STRAP: variants seen among roughly 807,000 people sequenced by gnomAD.
STRAP encodes serine-threonine kinase receptor-associated protein.
In STRAP, 16 loss-of-function variants were observed where a neutral mutation model predicts 47.0. That is an observed-to-expected ratio of 0.34 (90% CI 0.23 to 0.52). The LOEUF is 0.52. Ranked by LOEUF, STRAP falls within the 20% of genes least tolerant of loss-of-function variation. The pLI is 0.96. For missense variants in STRAP, 293 were observed against 420.0 expected (o/e 0.70, Z 2.64); for synonymous variants, 130 against 142.7 (o/e 0.91, Z 0.63).
At position 15,894,722 on chromosome 12, in the gene STRAP, A is replaced by G. The variant is rs1474473790; in HGVS notation, c.500+579A>G. On this transcript the variant is annotated intron_variant, in intron 5 of 9. Coordinates refer to ENST00000419869, the MANE Select transcript of STRAP (RefSeq NM_007178.4). The surrounding 1 kb of genome is among the most constrained non-coding windows in gnomAD (Gnocchi z 4.9). The stretch of plus-strand genomic sequence containing the variant: ...CTCATTGGAGCATTTTGAATTTCCT[A>G]TTTTCAGGTTAGGAATTCTCAGTTG... Among the ~76,000 whole-genome samples, 3 of 152,130 alleles carry G rather than the reference A, an allele frequency of 2.0e-5. No homozygotes were observed. The highest frequency in any genetic ancestry group is 1.9e-4 in the East Asian group (1 of 5,184).
chr12:15,895,216 C>T, intron 5 of STRAP, 143 bp from the exon 6 acceptor site: 1 of 642,102 alleles, frequency 1.6e-6, no homozygotes, highest in South Asian at 3.2e-5. Flanking sequence ...TTTTTTTAAT[C>T]ATCTGTAATT....
rs538132255 is a variant in STRAP at position 15,895,778 on chromosome 12, G to C, written c.638+282G>C. On this transcript the variant is annotated intron_variant, in intron 6 of 9. Transcript: ENST00000419869. Reference sequence around the variant, plus strand: ...GGGAGGCTGAGGTGAGTATTCTATTGCTGGAGCCTGGGAGGTTGAGGCTGC... The same window carrying C: ...GGGAGGCTGAGGTGAGTATTCTATTCCTGGAGCCTGGGAGGTTGAGGCTGC... Among the ~76,000 whole-genome samples, 4 of 145,852 alleles carry C rather than the reference G, an allele frequency of 2.7e-5. No individual in the cohort carries two copies. The South Asian group carries it at 8.7e-4, about 32-fold the overall frequency.
At position 15,882,400 on chromosome 12, in the gene STRAP, T is replaced by G. The variant is rs1337855055; in HGVS notation, c.-308T>G. 1 of 441,298 alleles carries G rather than the reference T, an allele frequency of 2.3e-6. No individual in the cohort carries two copies. The highest frequency in any genetic ancestry group is 2.0e-5 in the African/African-American group (1 of 50,122). The allele number at this position is 441,298 out of a possible 1,614,324, so 27.3% of individuals were successfully genotyped here. A position where few individuals can be genotyped will look rare whatever the true frequency, so the allele number is the denominator to read the frequency against. On this transcript the variant is annotated 5_prime_UTR_variant, in exon 1 of 10. Transcript: ENST00000419869. ...CTGCGTCATTTACGTCGTCACTTCC[T>G]GCCGATGCCGGTGTGGACGCTGTGA...
At chr12:15,885,071 G>C (rs1947957710) in intron 2 of STRAP, among the ~76,000 whole-genome samples, 1 of 150,540 alleles carries the variant, frequency 6.6e-6, no homozygotes, top group South Asian at 2.1e-4. Context: ...CTTGGTATTT[G>C]TAACTTAGGA....
intron 4 of STRAP, among the ~76,000 whole-genome samples, chr12:15,893,633 T>A (rs1236207378): frequency 2.7e-5 from 4 of 147,980 alleles, no homozygotes; most frequent in African/African-American, 9.8e-5. Context: ...AAATATTGTA[T>A]ATTATACAAT....
At chr12:15,886,998 G>C (rs1038938281) in intron 2 of STRAP, among the ~76,000 whole-genome samples, 7 of 152,160 alleles carry the variant, frequency 4.6e-5, no homozygotes, top group African/African-American at 1.7e-4. Context: ...GCTCCCAAGA[G>C]GGCTTAAGTA....
At position 15,903,044 on chromosome 12, in the gene STRAP, CT is replaced by C; in HGVS notation, c.*68del. On this transcript the variant is annotated 3_prime_UTR_variant, in exon 10 of 10. Coordinates refer to ENST00000419869, the MANE Select transcript of STRAP (RefSeq NM_007178.4). The stretch of plus-strand genomic sequence containing the variant: ...CAAGCAAGCAGAGAAAAGCATCAGC[CT>C]TCCAGAGTTACTGTCTGCTTAAGGC... 7.0e-7 allele frequency: 1 copy of C among 1,433,344 alleles called. No homozygotes were observed. The highest frequency in any genetic ancestry group is 1.5e-5 in the South Asian group (1 of 67,462). 88.8% of individuals were successfully genotyped at this position (1,433,344 alleles called of 1,614,324 possible).
intron 6 of STRAP, among the ~76,000 whole-genome samples, 169 bp from the exon 7 acceptor site, chr12:15,897,713 A>AT (rs367620027): frequency 0.046 from 5,456 of 118,664 alleles, 241 homozygotes; most frequent in African/African-American, 0.12. Flanking sequence ...TATCCATTTG[A>AT]TTTTTTTTTT....
In STRAP at chr12:15,882,439, C is replaced by A. The variant is rs528910230; in HGVS notation, c.-269C>A. 5.9e-6 allele frequency: 3 copies of A among 510,674 alleles called. No individual in the cohort carries two copies. The highest frequency in any genetic ancestry group is 1.1e-5 in the Non-Finnish European group (3 of 284,384). The allele number at this position is 510,674 out of a possible 1,614,324, so 31.6% of individuals were successfully genotyped here. On this transcript the variant is annotated 5_prime_UTR_variant, in exon 1 of 10. Coordinates refer to ENST00000419869, the MANE Select transcript of STRAP (RefSeq NM_007178.4). ...TGGACGCTGTGAATCGTGGCTGGCC[C>A]GGTTCTCCGCTTCTCCCCATCCCCT...
Position 15,882,577 on chromosome 12 carries a change from T to G in STRAP, c.-131T>G. ...CCTCGGTGCCACCGGATTGCCCTTC[T>G]TTTCCTGTTGCCCAGCCCAGCCCTA... On this transcript the variant is annotated 5_prime_UTR_variant, in exon 1 of 10. Coordinates refer to ENST00000419869, the MANE Select transcript of STRAP (RefSeq NM_007178.4). The G allele has an allele frequency of 1.4e-6, 1 of 702,470 alleles. No individual in the cohort carries two copies. Among genetic ancestry groups the G allele is most frequent in the Non-Finnish European group, 2.3e-6 (1 of 426,924 alleles). The allele number at this position is 702,470 out of a possible 1,614,324, so 43.5% of individuals were successfully genotyped here.
chr12:15,885,529 A>G (rs1178261325), intron 2 of STRAP, among the ~76,000 whole-genome samples: 1 of 148,862 alleles, frequency 6.7e-6, no homozygotes, highest in Non-Finnish European at 1.5e-5. Flanking sequence ...CTAAGGAGCA[A>G]TTGTAAATCT....
chr12:15,888,781 G>GTT (rs906827405), intron 2 of STRAP, among the ~76,000 whole-genome samples: 2 of 152,030 alleles, frequency 1.3e-5, no homozygotes, highest in South Asian at 2.1e-4. Context: ...TTTAATGCAT[G>GTT]TTTTTCTCCT....
intron 2 of STRAP, among the ~76,000 whole-genome samples, chr12:15,885,482 C>T (rs6488799): frequency 6.9e-5 from 9 of 129,554 alleles, no homozygotes; most frequent in Admixed American, 8.6e-5. Context: ...AGCCACCGTG[C>T]CTGGCCTTTT....
At chr12:15,892,356 A>G (rs1172393908) in intron 4 of STRAP, among the ~76,000 whole-genome samples, 1 of 152,078 alleles carries the variant, frequency 6.6e-6, no homozygotes, top group Non-Finnish European at 1.5e-5. Context: ...CTCTCATTTT[A>G]CAGAAGTTAT....
rs1385873249 is a variant in STRAP, at chr12:15,883,481, A to C, written c.113-60A>C. The stretch of plus-strand genomic sequence containing the variant: ...GAACATCATTGTATATTTACATTTG[A>C]ATCTTAGACTTTAAGTAATCTGAAC... On this transcript the variant is annotated intron_variant, in intron 1 of 9. Coordinates refer to ENST00000419869, the MANE Select transcript of STRAP (RefSeq NM_007178.4). 5.9e-6 allele frequency: 9 copies of C among 1,532,652 alleles called. No homozygotes were observed. The East Asian group carries it at 1.7e-4, about 28-fold the overall frequency. 94.9% of individuals were successfully genotyped at this position (1,532,652 alleles called of 1,614,324 possible). A position where few individuals can be genotyped will look rare whatever the true frequency, so the allele number is the denominator to read the frequency against.
At position 15,902,907 on chromosome 12, in the gene STRAP, T is replaced by TTTTTC. The variant is rs1412536661; in HGVS notation, c.992-9_992-8insTTTCT. On this transcript the variant is annotated splice_polypyrimidine_tract_variant and intron_variant, in intron 9 of 9. Coordinates refer to ENST00000419869, the MANE Select transcript of STRAP (RefSeq NM_007178.4). ...TGACTTTTTTTTTTTTTTTTTTTTT[T>TTTTTC]TACTTATAGAAGAAATTGCTTCAGA... 4 of 1,506,694 alleles carry TTTTTC rather than the reference T, an allele frequency of 2.7e-6. No homozygotes were observed. In the African/African-American group the frequency reaches 5.7e-5, roughly 21 times the overall value. 93.3% of individuals were successfully genotyped at this position (1,506,694 alleles called of 1,614,324 possible).
chr12:15,897,596 T>A (rs1475318435), intron 6 of STRAP, among the ~76,000 whole-genome samples: 1 of 152,176 alleles, frequency 6.6e-6, no homozygotes, highest in African/African-American at 2.4e-5. Context: ...TCATACTGTT[T>A]TAATTAGCCA....
At chr12:15,895,212 T>A (rs901927705) in intron 5 of STRAP, 147 bp from the exon 6 acceptor site, 2 of 630,152 alleles carry the variant, frequency 3.2e-6, no homozygotes, top group Non-Finnish European at 4.9e-6. Context: ...GAATTTTTTT[T>A]AATCATCTGT....
chr12:15,889,493 T>A (rs1309555508), intron 2 of STRAP, among the ~76,000 whole-genome samples: 5 of 152,210 alleles, frequency 3.3e-5, no homozygotes, highest in South Asian at 2.1e-4. Flanking sequence ...CTGGTTTTTT[T>A]ATTTATTTTT....
Sources: allele counts gnomAD v4.1 joint callset (sites outside exome capture counted in the v4.1 genomes callset), GRCh38; gene constraint gnomAD v4.1.1; non-coding constraint Gnocchi (gnomAD v3.1); transcripts MANE v1.5; gene names NCBI Gene and HGNC (gene_info 2026-07-23, HGNC 2026-07-21).